The following PATJ variants were observed in gnomAD, a reference collection of about 807,000 sequenced individuals.
PATJ encodes inaD-like protein.
A neutral mutation model predicts 224.9 loss-of-function variants in PATJ; 190 were observed. The ratio of observed to expected loss-of-function variants is 0.84; its 90% CI spans 0.75 to 0.95. The LOEUF is 0.95. Among genes scored for constraint, PATJ ranks in the 40% least tolerant of loss-of-function variants. The pLI, the probability that PATJ is intolerant of heterozygous loss-of-function variation, is 0.00. For synonymous variants in PATJ, 769 were observed against 820.3 expected (o/e 0.94, Z 1.07); for missense variants, 2,121 against 2,270.3 (o/e 0.93, Z 1.34).
intron 20 of PATJ, among the ~76,000 whole-genome samples, chr1:61,866,814 T>C (rs902857866): frequency 7.9e-5 from 12 of 152,214 alleles, no homozygotes; most frequent in Admixed American, 5.9e-4. Flanking sequence ...AAAGAATGGC[T>C]ACTCCATAGA....
rs577908599 is a variant in PATJ, at chr1:62,005,240, A to G, written c.3868-12616A>G. ...AGCCTCCACCTCCAGAATTCAAGCT[A>G]TTCTTGTGCCTCAGCTTCCTGAGTG... On this transcript the variant is annotated intron_variant, in intron 28 of 43. Coordinates refer to ENST00000642238, the MANE Select transcript of PATJ (RefSeq NM_001350145.3). Among the ~76,000 whole-genome samples the G allele has an allele frequency of 7.2e-4, 109 of 151,832 alleles. 1 individual carries two copies. The highest frequency in any genetic ancestry group is 2.9e-3 in the Admixed American group (44 of 15,232).
intron 39 of PATJ, among the ~76,000 whole-genome samples, chr1:62,125,236 C>CAAAAAAAAAAAAAAAAAAAAAAAA (rs761278812): frequency 7.2e-5 from 2 of 27,742 alleles, no homozygotes; most frequent in Admixed American, 5.7e-4. Context: ...AACCCTGTCT[C>CAAAAAAAAAAAAAAAAAAAAAAAA]AAAAAAAAAA....
At chr1:62,000,466 C>T (rs543148588) in intron 28 of PATJ, among the ~76,000 whole-genome samples, 11 of 149,336 alleles carry the variant, frequency 7.4e-5, no homozygotes, top group Non-Finnish European at 1.2e-4. Flanking sequence ...TTTGTTCTTA[C>T]GATAGTTTAC....
chr1:62,005,979 T>A (rs72677923), intron 28 of PATJ, among the ~76,000 whole-genome samples: 22,272 of 152,218 alleles, frequency 0.15, 2,018 homozygotes, highest in Non-Finnish European at 0.21. Flanking sequence ...GAGCTAAACT[T>A]TAATTTTTAT....
chr1:61,911,131 C>CA (rs1356504196), intron 25 of PATJ, among the ~76,000 whole-genome samples: 5 of 152,230 alleles, frequency 3.3e-5, no homozygotes, highest in African/African-American at 1.2e-4. Flanking sequence ...ATGAATTGAG[C>CA]GGTTGTTTTT....
chr1:61,923,311 C>T (rs966708058), intron 26 of PATJ, among the ~76,000 whole-genome samples: 1 of 152,130 alleles, frequency 6.6e-6, no homozygotes, highest in Non-Finnish European at 1.5e-5. Flanking sequence ...TCTGGAATGA[C>T]AAGGCGCCTT....
chr1:61,809,476 C>T (rs1173192958), intron 14 of PATJ, among the ~76,000 whole-genome samples: 2 of 151,628 alleles, frequency 1.3e-5, no homozygotes, highest in Non-Finnish European at 2.9e-5. Context: ...CAACCTCTGC[C>T]TCCCGGGTTC....
At chr1:62,039,769 T>A (rs1239456266) in intron 30 of PATJ, among the ~76,000 whole-genome samples, 2 of 152,136 alleles carry the variant, frequency 1.3e-5, no homozygotes, top group Non-Finnish European at 2.9e-5. Context: ...CCTGGCACTT[T>A]TAAAAGGCAG....
rs575851846 is a variant in PATJ at position 61,984,110 on chromosome 1, A to G, written c.3671-6058A>G. ...CTGGGATGATGCACCTGGCCCCCCAAAATTATTAATAAAATTGTATAACTA... is the reference window on the plus strand; with the variant it reads ...CTGGGATGATGCACCTGGCCCCCCAGAATTATTAATAAAATTGTATAACTA... On this transcript the variant is annotated intron_variant, in intron 27 of 43. Transcript: ENST00000642238. 2.6e-4 allele frequency among the ~76,000 whole-genome samples: 39 copies of G among 151,558 alleles called. No individual in the cohort carries two copies. The South Asian group carries it at 8.1e-3, about 32-fold the overall frequency.
chr1:61,773,403 C>G (rs967260895), intron 6 of PATJ, among the ~76,000 whole-genome samples: 1 of 152,058 alleles, frequency 6.6e-6, no homozygotes, highest in Admixed American at 6.6e-5. Flanking sequence ...TATGGTGGCT[C>G]ACATCTGTAA....
At chr1:62,017,409 G>A (rs1451621574) in intron 28 of PATJ, among the ~76,000 whole-genome samples, 10 of 99,006 alleles carry the variant, frequency 1.0e-4, no homozygotes, top group Non-Finnish European at 2.0e-4. Context: ...GCGAGACTCC[G>A]CCTCAAAAAA....
At chr1:62,156,054 T>TAAAAAAAAAAAA (rs34300724) in intron 43 of PATJ, among the ~76,000 whole-genome samples, 1 of 43,054 alleles carries the variant, frequency 2.3e-5, no homozygotes, top group East Asian at 1.1e-3. Flanking sequence ...CAAGACTCTG[T>TAAAAAAAAAAAA]AAAAAAAAAA....
intron 27 of PATJ, among the ~76,000 whole-genome samples, chr1:61,981,975 C>T (rs555977954): frequency 5.9e-5 from 9 of 152,084 alleles, no homozygotes; most frequent in Non-Finnish European, 1.2e-4. Flanking sequence ...AGCCTTGTTG[C>T]GATTCTTGTG....
intron 9 of PATJ, among the ~76,000 whole-genome samples, chr1:61,792,626 G>C (rs1349777551): frequency 6.6e-6 from 1 of 151,720 alleles, no homozygotes; most frequent in Non-Finnish European, 1.5e-5. Context: ...CGCCTCCCAG[G>C]TTCAAGAGAT....
intron 27 of PATJ, among the ~76,000 whole-genome samples, chr1:61,935,366 TATTTTGTTTTTCTACCCTA>T (rs1676686006): frequency 6.6e-6 from 1 of 152,294 alleles, no homozygotes; most frequent in South Asian, 2.1e-4. Flanking sequence ...CTGTCATAGG[TATTTTGTTTTTCTACCCTA>T]ATTTTGTTTT....
At chr1:62,084,232 C>T (rs1209029943) in intron 32 of PATJ, among the ~76,000 whole-genome samples, 2 of 151,800 alleles carry the variant, frequency 1.3e-5, no homozygotes, top group Non-Finnish European at 2.9e-5. Context: ...CCAGCCTGGG[C>T]GACAGAGTAA....
intron 8 of PATJ, among the ~76,000 whole-genome samples, chr1:61,789,161 T>C (rs1240107384): frequency 6.6e-6 from 1 of 151,224 alleles, no homozygotes; most frequent in Non-Finnish European, 1.5e-5. Context: ...ATATAAAAAT[T>C]AGCCAGATGT....
chr1:62,087,995 G>A (rs979069637), intron 33 of PATJ, among the ~76,000 whole-genome samples: 14 of 151,392 alleles, frequency 9.2e-5, no homozygotes, highest in African/African-American at 2.7e-4. Flanking sequence ...GGGTTCAAGC[G>A]ATTCTCCTGC....
chr1:61,983,968 G>A (rs1238573619), intron 27 of PATJ, among the ~76,000 whole-genome samples: 1 of 151,620 alleles, frequency 6.6e-6, no homozygotes, highest in Non-Finnish European at 1.5e-5. Flanking sequence ...GGGACTACAG[G>A]TGTCCACCCT....
Sources: gnomAD v4.1 joint callset for allele counts (sites outside exome capture counted in the v4.1 genomes callset) on GRCh38, gnomAD v4.1.1 for gene constraint, MANE v1.5 for transcripts, NCBI Gene and HGNC (gene_info 2026-07-23, HGNC 2026-07-21) for gene names.